Variants in DCDC1 observed in about 807,000 individuals in gnomAD.
DCDC1 encodes doublecortin domain-containing protein 1.
DCDC1 carries 200 observed loss-of-function variants against 178.3 expected under a neutral mutation model. The ratio of observed to expected loss-of-function variants is 1.12; its 90% CI spans 1.00 to 1.26. The LOEUF (loss-of-function observed/expected upper bound fraction) is 1.26. DCDC1 is among the 50% of genes most tolerant of loss of function. The pLI is 0.00. For synonymous variants in DCDC1, 690 were observed against 604.8 expected, an observed-to-expected ratio of 1.14 and a Z score of -2.07; for missense variants, 1,983 against 1,749.2, an observed-to-expected ratio of 1.13 and a Z score of -2.38.
At chr11:31,031,408 GAATT>G (rs1953625984) in intron 20 of DCDC1, among the ~76,000 whole-genome samples, 1 of 152,032 alleles carries the variant, frequency 6.6e-6, no homozygotes, top group South Asian at 2.1e-4. Flanking sequence ...AACTTACTAA[GAATT>G]AACACAGTCT....
At chr11:31,118,570 A>G (rs975786569) in intron 11 of DCDC1, among the ~76,000 whole-genome samples, 1 of 152,188 alleles carries the variant, frequency 6.6e-6, no homozygotes, top group African/African-American at 2.4e-5. Context: ...AAGGAATCTC[A>G]GCAACTTGAA....
chr11:31,134,726 A>G (rs1962908199), intron 10 of DCDC1, among the ~76,000 whole-genome samples: 1 of 152,232 alleles, frequency 6.6e-6, no homozygotes, highest in South Asian at 2.1e-4. Context: ...TGGGCATAGT[A>G]GCTCACCTCT....
chr11:31,011,894 C>A (rs1041578930), intron 20 of DCDC1, among the ~76,000 whole-genome samples: 2 of 152,094 alleles, frequency 1.3e-5, no homozygotes, highest in African/African-American at 2.4e-5. Flanking sequence ...GGATTTGTGT[C>A]CCCGCCCAAA....
At chr11:30,916,591 C>T (rs1443184656) in intron 26 of DCDC1, among the ~76,000 whole-genome samples, 2 of 152,150 alleles carry the variant, frequency 1.3e-5, no homozygotes, top group East Asian at 3.9e-4. Context: ...AGGCTCTGTG[C>T]TAAGTTGTCA....
At chr11:30,962,733 A>G (rs1255198778) in intron 20 of DCDC1, among the ~76,000 whole-genome samples, 2 of 152,120 alleles carry the variant, frequency 1.3e-5, no homozygotes, top group East Asian at 1.9e-4. Flanking sequence ...CGCTTTTAAC[A>G]TAAGTCTTTT....
At chr11:31,139,284 C>A (rs1246020353) in intron 9 of DCDC1, among the ~76,000 whole-genome samples, 1 of 152,046 alleles carries the variant, frequency 6.6e-6, no homozygotes, top group African/African-American at 2.4e-5. Context: ...CCAATCCCTG[C>A]CCTAGACTGA....
At chr11:30,968,711 T>TA (rs1949594817) in intron 20 of DCDC1, among the ~76,000 whole-genome samples, 22 of 61,038 alleles carry the variant, frequency 3.6e-4, no homozygotes, top group African/African-American at 1.4e-3. Context: ...ATATATCAAA[T>TA]TATATATATA....
At chr11:31,296,075 A>T (rs1405894854) in intron 6 of DCDC1, among the ~76,000 whole-genome samples, 1 of 152,056 alleles carries the variant, frequency 6.6e-6, no homozygotes, top group African/African-American at 2.4e-5. Flanking sequence ...GTTTTCTCCT[A>T]GTCAGTCAGT....
At position 30,878,635 on chromosome 11, in the gene DCDC1, A is replaced by G; in HGVS notation, c.5310T>C (p.Ile1770=). Residue 1770 remains isoleucine, a synonymous_variant, in exon 38 of 39, where the codon ATT becomes ATC. Transcript: ENST00000684477. ...RRQQGPQATD[I]VVSPSTKLLS... ...GCAGCTTCGTGGATGGTGACACCAC[A>G]ATGTCTGTGGCTTGAGGGCCCTGCT... The G allele has an allele frequency of 6.2e-7, 1 of 1,612,004 alleles. No homozygotes were observed. The highest frequency in any genetic ancestry group is 2.2e-5 in the East Asian group (1 of 44,758).
chr11:31,025,634 C>T (rs1462274284), intron 20 of DCDC1, among the ~76,000 whole-genome samples: 2 of 151,800 alleles, frequency 1.3e-5, no homozygotes, highest in African/African-American at 2.4e-5. Context: ...TTCATGACTG[C>T]TCTCATTTTG....
chr11:31,178,784 C>T (rs1481113397), intron 9 of DCDC1, among the ~76,000 whole-genome samples: 1 of 152,094 alleles, frequency 6.6e-6, no homozygotes, highest in African/African-American at 2.4e-5. Context: ...CCTCTACCTC[C>T]TGGGTTCAAG....
intron 9 of DCDC1, among the ~76,000 whole-genome samples, chr11:31,227,953 A>G (rs56407585): frequency 0.021 from 3,131 of 152,154 alleles, 97 homozygotes; most frequent in African/African-American, 0.07. Context: ...TATCAATAAA[A>G]TATAGCAATC....
At chr11:31,291,790 C>T (rs911473152) in intron 6 of DCDC1, among the ~76,000 whole-genome samples, 4 of 152,044 alleles carry the variant, frequency 2.6e-5, no homozygotes, top group African/African-American at 9.7e-5. Context: ...AAAATAGCTG[C>T]ATTTATTGCT....
chr11:31,321,617 G>A (rs924713344), intron 3 of DCDC1, among the ~76,000 whole-genome samples: 3 of 152,094 alleles, frequency 2.0e-5, no homozygotes, highest in African/African-American at 4.8e-5. Flanking sequence ...CCCGTCTTCT[G>A]CGTCGCTCAC....
intron 2 of DCDC1, among the ~76,000 whole-genome samples, chr11:31,328,768 G>A (rs1316681140): frequency 2.1e-5 from 3 of 145,436 alleles, no homozygotes; most frequent in African/African-American, 7.6e-5. Context: ...GTGAGATCGC[G>A]CCACTGCACT....
rs534418952 is a variant in DCDC1, at chr11:30,975,933, G to A, written c.2592-23365C>T. Reference sequence around the variant, plus strand: ...TCCCAAGCAAAAGAACAAAGCTGGAGGCATCATGCTACCTGACTTCAAAAT... The same window carrying A: ...TCCCAAGCAAAAGAACAAAGCTGGAAGCATCATGCTACCTGACTTCAAAAT... On this transcript the variant is annotated intron_variant, in intron 20 of 38. Coordinates refer to ENST00000684477, the MANE Select transcript of DCDC1 (RefSeq NM_001387274.1). Among the ~76,000 whole-genome samples, 3 of 152,090 alleles carry A rather than the reference G, an allele frequency of 2.0e-5. No individual in the cohort carries two copies. In the South Asian group the frequency reaches 6.2e-4, roughly 32 times the overall value.
At chr11:31,153,945 G>A (rs1565356955) in intron 9 of DCDC1, among the ~76,000 whole-genome samples, 1 of 152,090 alleles carries the variant, frequency 6.6e-6, no homozygotes, top group Admixed American at 6.5e-5. Context: ...TTGGCTCTGT[G>A]TCCACACCCA....
chr11:31,306,134 C>T (rs2137591310), intron 5 of DCDC1, 98 bp downstream of exon 5: 1 of 1,191,032 alleles, frequency 8.4e-7, no homozygotes, highest in South Asian at 2.7e-5. Context: ...TTCAGATTCT[C>T]AAAAAGAAAA....
chr11:30,885,653 C>A (rs181059510), intron 36 of DCDC1, among the ~76,000 whole-genome samples: 9 of 152,064 alleles, frequency 5.9e-5, no homozygotes, highest in Admixed American at 5.9e-4. Flanking sequence ...GTCGAACCTG[C>A]AAATATGTTT....
Sources: allele counts gnomAD v4.1 joint callset (sites outside exome capture counted in the v4.1 genomes callset), GRCh38; gene constraint gnomAD v4.1.1; transcripts MANE v1.5; gene names NCBI Gene and HGNC (gene_info 2026-07-23, HGNC 2026-07-21).